The following MOCS1 variants were observed in gnomAD, a reference collection of about 807,000 sequenced individuals.
MOCS1 encodes the protein molybdenum cofactor biosynthesis protein 1.
In MOCS1, 39 loss-of-function variants were observed where a neutral mutation model predicts 57.6. The observed-to-expected ratio is 0.68, with a 90% CI of 0.52 to 0.88. The LOEUF is 0.88. MOCS1 is among the 40% of genes least tolerant of loss of function. The pLI is 0.00. For missense variants in MOCS1, 795 were observed against 831.1 expected (o/e 0.96, Z 0.53); for synonymous variants, 334 against 335.7 (o/e 1.00, Z 0.05).
Position 39,904,912 on chromosome 6 carries a change from G to C in MOCS1, c.*1445C>G. On this transcript the variant is annotated 3_prime_UTR_variant, in exon 11 of 11. Transcript: ENST00000340692. ...TGCCTTCTTCCTATGAGGGGATCTG[G>C]GGTGGGCTGAGAGTGTGCTGGAGCC... 3 of 454,114 alleles carry C rather than the reference G, an allele frequency of 6.6e-6. No homozygotes were observed. The highest frequency in any genetic ancestry group is 4.7e-5 in the South Asian group (3 of 64,466). 28.1% of individuals were successfully genotyped at this position (454,114 alleles called of 1,614,324 possible). A position where few individuals can be genotyped will look rare whatever the true frequency, so the allele number is the denominator to read the frequency against.
At chr6:39,927,837 T>G in intron 1 of MOCS1, 4 of 1,091,904 alleles carry the variant, frequency 3.7e-6, no homozygotes, top group Non-Finnish European at 4.9e-6. Flanking sequence ...AAGAGACTGC[T>G]GAAGGCCACA....
In MOCS1 at chr6:39,906,890, T is replaced by C; in HGVS notation, c.1378A>G (p.Lys460Glu). The change falls in exon 11 of 11, where the codon AAG (lysine) becomes GAG (glutamate). Residue 460 changes from lysine (K) to glutamate (E), a missense_variant. This residue lies in a region of MOCS1 where 374 missense variants were observed against 422.6 expected (regional missense o/e 0.89). Coordinates refer to ENST00000340692, the MANE Select transcript of MOCS1 (RefSeq NM_001358530.2). Reference protein sequence around the residue: ...TSRADSDANSKCLSPGSWASA... With the variant: ...TSRADSDANSECLSPGSWASA... Reference sequence around the variant, plus strand: ...GCCCAGGAACCTGGGCTAAGGCACTTTGAGTTGGCATCTGAGTCTGCACGG... The same window carrying C: ...GCCCAGGAACCTGGGCTAAGGCACTCTGAGTTGGCATCTGAGTCTGCACGG... 6.2e-7 allele frequency: 1 copy of C among 1,614,124 alleles called. No individual in the cohort carries two copies. Among genetic ancestry groups the C allele is most frequent in the Non-Finnish European group, 8.5e-7 (1 of 1,180,014 alleles).
At chr6:39,933,573 C>A (rs993033505) in intron 1 of MOCS1, among the ~76,000 whole-genome samples, 1 of 152,036 alleles carries the variant, frequency 6.6e-6, no homozygotes, top group African/African-American at 2.4e-5. Context: ...GTACTTTTCC[C>A]CCCAAATTAT....
Position 39,905,575 on chromosome 6 carries a change from TATC to T in MOCS1, c.*779_*781del. 5 of 471,204 alleles carry T rather than the reference TATC, an allele frequency of 1.1e-5. No individual in the cohort carries two copies. Among genetic ancestry groups the T allele is most frequent in the South Asian group, 3.1e-5 (2 of 64,566 alleles). 29.2% of individuals were successfully genotyped at this position (471,204 alleles called of 1,614,324 possible). A position where few individuals can be genotyped will look rare whatever the true frequency, so the allele number is the denominator to read the frequency against. ...GTGCGCTGTGAGGGTGAAGGCAATC[TATC>T]ATCAACTTTTCTTTCCCTGATATGC... is the stretch of plus-strand genomic sequence containing the variant. On this transcript the variant is annotated 3_prime_UTR_variant, in exon 11 of 11. Transcript: ENST00000340692.
chr6:39,925,809 G>T lies in MOCS1; in HGVS notation c.287C>A (p.Thr96Asn). Reference sequence around the variant, plus strand: ...TGTGGTCAGCAGGTTGGCTTTGGGGGTCAGCGGGACCCCCTCCTCGGGCAT... The same window carrying T: ...TGTGGTCAGCAGGTTGGCTTTGGGGTTCAGCGGGACCCCCTCCTCGGGCAT... ...YCMPEEGVPL[T>N]PKANLLTTEE... The change falls in exon 3 of 11, where the codon ACC becomes AAC. Residue 96 changes from threonine to asparagine, a missense_variant. This residue lies in a region of MOCS1 where 416 missense variants were observed against 392.4 expected (regional missense o/e 1.06). Coordinates refer to ENST00000340692, the MANE Select transcript of MOCS1 (RefSeq NM_001358530.2). 6.2e-7 allele frequency: 1 copy of T among 1,612,752 alleles called. No individual in the cohort carries two copies. The highest frequency in any genetic ancestry group is 8.5e-7 in the Non-Finnish European group (1 of 1,179,928).
In MOCS1 at chr6:39,906,868, C is replaced by T. The variant is rs780148535; in HGVS notation, c.1400G>A (p.Trp467Ter). Residue 467 changes from tryptophan (W) to a stop codon, truncating the protein, a stop_gained, in exon 11 of 11, where the codon TGG becomes TAG. Coordinates refer to ENST00000340692, the MANE Select transcript of MOCS1 (RefSeq NM_001358530.2). LOFTEE classifies it high-confidence loss of function. ...GGGTCCTGAGGGGGCAGCAGAAGCC[C>T]AGGAACCTGGGCTAAGGCACTTTGA... ...ANSKCLSPGS[W>*]ASAAPSGPQL... 5.6e-6 allele frequency: 9 copies of T among 1,614,154 alleles called. No individual in the cohort carries two copies. The highest frequency in any genetic ancestry group is 7.6e-6 in the Non-Finnish European group (9 of 1,180,036).
chr6:39,921,454 A>T (rs1440162801), intron 3 of MOCS1, among the ~76,000 whole-genome samples: 1 of 152,212 alleles, frequency 6.6e-6, no homozygotes, highest in Non-Finnish European at 1.5e-5. Flanking sequence ...TTTCCTTAGG[A>T]ACCACTAACA....
Position 39,925,754 on chromosome 6 carries a change from A to G in MOCS1, c.342T>C (p.Phe114=), listed in dbSNP as rs550694660. 23 of 1,612,788 alleles carry G rather than the reference A, an allele frequency of 1.4e-5. No individual in the cohort carries two copies. Among genetic ancestry groups the G allele is most frequent in the African/African-American group, 2.7e-5 (2 of 75,030 alleles). The change falls in exon 3 of 11, where the codon TTT becomes TTC. Residue 114 remains phenylalanine, a synonymous_variant. Transcript: ENST00000340692. The stretch of plus-strand genomic sequence containing the variant: ...GGATCTTGTCGATGCCTTCCTTCAC[A>G]AAGAGCCGGGCGAGGGTCAGGATCT... The part of the protein sequence containing the change: ...TEEILTLARL[F]VKEGIDKIRL...
chr6:39,927,299 G>C (rs141815609), intron 2 of MOCS1, 30 bp downstream of exon 2: 35,626 of 1,607,296 alleles, frequency 0.022, 476 homozygotes, highest in Middle Eastern at 0.045. Context: ...ATGGACACCA[G>C]CCCAGAGAGG....
rs753433413 is a variant in MOCS1, at chr6:39,905,157, TAGAG to T, written c.*1196_*1199del. Reference sequence around the variant, plus strand: ...ACTGAGGACTCAAAGACATCCAAGTTAGAGAGCCCAGCAGGCCAGAACTGTGTGT... The same window carrying T: ...ACTGAGGACTCAAAGACATCCAAGTTAGCCCAGCAGGCCAGAACTGTGTGT... On this transcript the variant is annotated 3_prime_UTR_variant, in exon 11 of 11. Transcript: ENST00000340692. 1.5e-5 allele frequency: 7 copies of T among 454,246 alleles called. 1 individual carries two copies. The highest frequency in any genetic ancestry group is 1.2e-4 in the Admixed American group (5 of 42,536). The allele number at this position is 454,246 out of a possible 1,614,324, so 28.1% of individuals were successfully genotyped here. A position where few individuals can be genotyped will look rare whatever the true frequency, so the allele number is the denominator to read the frequency against.
rs1256799908 is a variant in MOCS1 at position 39,905,549 on chromosome 6, T to G, written c.*808A>C. Reference sequence around the variant, plus strand: ...GCAAAGTTGGCATCGTAGCTTTATTTGTGCGCTGTGAGGGTGAAGGCAATC... The same window carrying G: ...GCAAAGTTGGCATCGTAGCTTTATTGGTGCGCTGTGAGGGTGAAGGCAATC... On this transcript the variant is annotated 3_prime_UTR_variant, in exon 11 of 11. Coordinates refer to ENST00000340692, the MANE Select transcript of MOCS1 (RefSeq NM_001358530.2). The G allele has an allele frequency of 1.1e-5, 5 of 471,076 alleles. No homozygotes were observed. The highest frequency in any genetic ancestry group is 1.0e-4 in the African/African-American group (5 of 50,090). 29.2% of individuals were successfully genotyped at this position (471,076 alleles called of 1,614,324 possible).
rs1194576122 is a variant in MOCS1, at chr6:39,934,382, C to G, written c.36G>C (p.Arg12=). The stretch of plus-strand genomic sequence containing the variant: ...AGCTCCGGGCGCTGGACCTCAGAAG[C>G]CGCCGCAGCATCCGGGACAGTGGCC... ...AARPLSRMLR[R]LLRSSARSCS... The change falls in exon 1 of 11, where the codon CGG becomes CGC. Residue 12 remains arginine (R), a synonymous_variant. Transcript: ENST00000340692. 4 of 1,561,052 alleles carry G rather than the reference C, an allele frequency of 2.6e-6. No individual in the cohort carries two copies. In the African/African-American group the frequency reaches 5.4e-5, roughly 21 times the overall value.
chr6:39,926,644 T>G (rs775139451), intron 2 of MOCS1, among the ~76,000 whole-genome samples: 3 of 127,218 alleles, frequency 2.4e-5, no homozygotes, highest in Non-Finnish European at 5.0e-5. Context: ...AAAAAGTTAC[T>G]AAACATACAT....
Position 39,906,844 on chromosome 6 carries a change from G to C in MOCS1, c.1424C>G (p.Pro475Arg). 1 of 1,614,172 alleles carries C rather than the reference G, an allele frequency of 6.2e-7. No individual in the cohort carries two copies. Among genetic ancestry groups the C allele is most frequent in the Non-Finnish European group, 8.5e-7 (1 of 1,180,040 alleles). ...AGTTAGTTGTTCTGAGGTTAGCTGG[G>C]GTCCTGAGGGGGCAGCAGAAGCCCA... ...GSWASAAPSG[P>R]QLTSEQLTHV... Residue 475 changes from proline to arginine, a missense_variant, in exon 11 of 11, where the codon CCC (proline) becomes CGC (arginine). Transcript: ENST00000340692.
intron 3 of MOCS1, 125 bp downstream of exon 3, chr6:39,925,553 T>C: frequency 1.8e-6 from 2 of 1,098,610 alleles, no homozygotes; most frequent in Non-Finnish European, 2.8e-6. Flanking sequence ...TCTCAGCAGG[T>C]GTTGTAGGAC....
At chr6:39,930,582 G>C (rs115424698) in intron 1 of MOCS1, among the ~76,000 whole-genome samples, 2,547 of 152,278 alleles carry the variant, frequency 0.017, 35 homozygotes, top group Middle Eastern at 0.041. Flanking sequence ...GTTTAACCTG[G>C]TATAGTGGTT....
intron 9 of MOCS1, 76 bp downstream of exon 9, chr6:39,909,759 C>A: frequency 1.9e-6 from 3 of 1,595,634 alleles, no homozygotes; most frequent in Non-Finnish European, 2.6e-6. Context: ...GTCATCTCAC[C>A]CCACAACTCC....
At chr6:39,927,264 GA>G (rs766076230) in intron 2 of MOCS1, 64 bp downstream of exon 2, 1 of 1,587,408 alleles carries the variant, frequency 6.3e-7, no homozygotes, top group South Asian at 1.1e-5. Flanking sequence ...CAGGCACAGG[GA>G]AATTTCAAGG....
At chr6:39,928,132 G>T (rs1213995126) in intron 1 of MOCS1, among the ~76,000 whole-genome samples, 2 of 151,792 alleles carry the variant, frequency 1.3e-5, no homozygotes, top group Non-Finnish European at 2.9e-5. Context: ...CTCGGCAGAA[G>T]CAGGATTCAA....
Sources: gnomAD v4.1 joint callset for allele counts (sites outside exome capture counted in the v4.1 genomes callset) on GRCh38, gnomAD v4.1.1 for gene constraint, gnomAD v4.1.1 regional missense constraint, MANE v1.5 for transcripts, NCBI Gene and HGNC (gene_info 2026-07-23, HGNC 2026-07-21) for gene names.